MICAL2: variants seen among roughly 807,000 people sequenced by gnomAD.
The protein encoded by MICAL2 is [F-actin]-monooxygenase MICAL2.
MICAL2 carries 77 observed loss-of-function variants against 127.3 expected under a neutral mutation model. The observed-to-expected ratio is 0.60, with a 90% CI of 0.50 to 0.73. The LOEUF (loss-of-function observed/expected upper bound fraction) is 0.73. Among genes scored for constraint, MICAL2 ranks in the 30% least tolerant of loss-of-function variants. The pLI is 0.00. For missense variants in MICAL2, 1,351 were observed against 1,434.4 expected (o/e 0.94, Z 0.94); for synonymous variants, 570 against 551.1 (o/e 1.03, Z -0.48).
At chr11:12,314,707 C>T (rs984135824) in intron 29 of MICAL2, among the ~76,000 whole-genome samples, 6 of 145,794 alleles carry the variant, frequency 4.1e-5, no homozygotes, top group Non-Finnish European at 7.4e-5. Context: ...AGGATGGTCT[C>T]GATCTCCTGA....
chr11:12,327,690 C>T (rs1392605143), intron 32 of MICAL2, among the ~76,000 whole-genome samples: 2 of 149,948 alleles, frequency 1.3e-5, no homozygotes, highest in African/African-American at 2.5e-5. Context: ...ACTACCTGTA[C>T]GACCTTGGGC....
chr11:12,255,316 T>C, intron 22 of MICAL2: 1 of 303,676 alleles, frequency 3.3e-6, no homozygotes, highest in Non-Finnish European at 6.4e-6. Flanking sequence ...TTAGTTGTTG[T>C]AAAACTGGAA....
chr11:12,179,929 C>G (rs1857240065), intron 3 of MICAL2, among the ~76,000 whole-genome samples: 1 of 152,246 alleles, frequency 6.6e-6, no homozygotes, highest in Non-Finnish European at 1.5e-5. Flanking sequence ...AGCCCCTTCC[C>G]TTTAAGCAGC....
chr11:12,307,791 G>C (rs2134817146), intron 29 of MICAL2, among the ~76,000 whole-genome samples: 1 of 151,916 alleles, frequency 6.6e-6, no homozygotes, highest in East Asian at 1.9e-4. Context: ...GTCTATCTCT[G>C]TACTCTCTAA....
In MICAL2 at chr11:12,220,399, G is replaced by T. The variant is rs780883918; in HGVS notation, c.1147G>T (p.Val383Leu). 1.9e-6 allele frequency: 3 copies of T among 1,613,880 alleles called. No individual in the cohort carries two copies. Among genetic ancestry groups the T allele is most frequent in the Non-Finnish European group, 2.5e-6 (3 of 1,180,040 alleles). Residue 383 changes from valine to leucine, a missense_variant, in exon 9 of 28, where the codon GTG (valine) becomes TTG (leucine). By Grantham distance (32) the Val-to-Leu change is conservative. Around this residue, in one of 2 missense-constraint regions of MICAL2, gnomAD observed 599 missense variants for 714.9 expected, o/e 0.84. Coordinates refer to ENST00000683283, the MANE Select transcript of MICAL2 (RefSeq NM_001282663.2). ...CMYASENAAL[V>L]RERQAHQLLV... Reference sequence around the variant, plus strand: ...GTATGCCTCAGAGAACGCGGCCCTGGTGCGGGAGCGGCAGGCGCACCAGCT... The same window carrying T: ...GTATGCCTCAGAGAACGCGGCCCTGTTGCGGGAGCGGCAGGCGCACCAGCT...
chr11:12,353,233 G>T (rs926587285), intron 33 of MICAL2, among the ~76,000 whole-genome samples: 3 of 152,104 alleles, frequency 2.0e-5, no homozygotes, highest in African/African-American at 7.2e-5. Flanking sequence ...GGAAGAGGAG[G>T]CCCCACCAGG....
intron 2 of MICAL2, among the ~76,000 whole-genome samples, chr11:12,153,981 G>T (rs907115004): frequency 2.0e-5 from 3 of 152,198 alleles, no homozygotes; most frequent in Non-Finnish European, 4.4e-5. Context: ...CCTTCTTGGG[G>T]ACTTCACCAG....
chr11:12,303,143 C>T (rs1345255611), intron 29 of MICAL2, among the ~76,000 whole-genome samples: 1 of 152,292 alleles, frequency 6.6e-6, no homozygotes, highest in East Asian at 1.9e-4. Context: ...TTACCTCCAC[C>T]AGGTCCCACC....
rs1862868074 is a variant in MICAL2, at chr11:12,259,906, A to G, written c.3334+9A>G. ...GGAAGGCAGCCCCCCAGGTATCTCC[A>G]CCTCCTTCTTTAGGAAGGTGCTGGG... On this transcript the variant is annotated intron_variant, in intron 26 of 27. Coordinates refer to ENST00000683283, the MANE Select transcript of MICAL2 (RefSeq NM_001282663.2). 6.2e-7 allele frequency: 1 copy of G among 1,612,558 alleles called. No homozygotes were observed. Among genetic ancestry groups the G allele is most frequent in the Non-Finnish European group, 8.5e-7 (1 of 1,179,260 alleles).
rs56946936 is a variant in MICAL2, at chr11:12,180,921, C to CTTTTTT, written c.264+18521_264+18526dup. 8.1e-3 allele frequency among the ~76,000 whole-genome samples: 664 copies of CTTTTTT among 82,382 alleles called. 8 individuals are homozygous for CTTTTTT. Among genetic ancestry groups the CTTTTTT allele is most frequent in the Non-Finnish European group, 0.013 (522 of 40,394 alleles). 54.0% of individuals were successfully genotyped at this position (82,382 alleles called of 152,430 possible). A position where few individuals can be genotyped will look rare whatever the true frequency, so the allele number is the denominator to read the frequency against. ...AATTATTCTTGCCTTTATTTTCCTT[C>CTTTTTT]TTTTTTTTTTTTTTTTTTTTTTTTG... On this transcript the variant is annotated intron_variant, in intron 3 of 27. Coordinates refer to ENST00000683283, the MANE Select transcript of MICAL2 (RefSeq NM_001282663.2).
chr11:12,349,152 C>T (rs1328562957), intron 32 of MICAL2, among the ~76,000 whole-genome samples: 1 of 152,132 alleles, frequency 6.6e-6, no homozygotes, highest in East Asian at 1.9e-4. Context: ...CATTTTAGTA[C>T]CTAGATATTT....
chr11:12,233,286 A>G (rs1267808986), intron 15 of MICAL2, among the ~76,000 whole-genome samples: 2 of 152,242 alleles, frequency 1.3e-5, no homozygotes, highest in East Asian at 1.9e-4. Flanking sequence ...TCCTGAGATC[A>G]CACAGCTGGG....
At chr11:12,255,790 G>C (rs749249837) in intron 23 of MICAL2, 40 bp downstream of exon 23, 11 of 1,539,380 alleles carry the variant, frequency 7.1e-6, no homozygotes, top group Middle Eastern at 1.7e-4. Context: ...ACAGACACTG[G>C]CTCTGGCATC....
intron 6 of MICAL2, 84 bp from the exon 7 acceptor site, chr11:12,213,171 T>C: frequency 1.4e-6 from 2 of 1,467,412 alleles, no homozygotes; most frequent in Non-Finnish European, 1.8e-6. Context: ...GGGAGGCATC[T>C]GGGAACAGCT....
chr11:12,330,894 AGAGAGAGTGT>A (rs1402387540), intron 32 of MICAL2, among the ~76,000 whole-genome samples: 3 of 124,316 alleles, frequency 2.4e-5, no homozygotes, highest in African/African-American at 9.6e-5. Context: ...AGAGAGAGAG[AGAGAGAGTGT>A]GTGTGTGTGT....
At chr11:12,335,296 G>A (rs1230174964) in intron 32 of MICAL2, among the ~76,000 whole-genome samples, 1 of 150,638 alleles carries the variant, frequency 6.6e-6, no homozygotes, top group Non-Finnish European at 1.5e-5. Flanking sequence ...TTTTTGATGG[G>A]ATTGTTTGTT....
At chr11:12,297,044 G>A (rs56952157), downstream of MICAL2, among the ~76,000 whole-genome samples, 10,160 of 152,128 alleles carry the variant, frequency 0.067, 700 homozygotes, top group African/African-American at 0.18. Flanking sequence ...GCATGTGCGT[G>A]AATTTATCTT....
chr11:12,354,736 C>G (rs895704355), intron 33 of MICAL2: 2 of 1,542,118 alleles, frequency 1.3e-6, no homozygotes, highest in Non-Finnish European at 1.8e-6. Context: ...ATCAATGTTT[C>G]CTCACAAATC....
chr11:12,213,127 C>T, intron 6 of MICAL2, 128 bp from the exon 7 acceptor site: 1 of 1,094,316 alleles, frequency 9.1e-7, no homozygotes, highest in Non-Finnish European at 1.3e-6. Context: ...CGCTCCTGTC[C>T]ACTAGAGATC....
Sources: gnomAD v4.1 joint callset for allele counts (sites outside exome capture counted in the v4.1 genomes callset) on GRCh38, gnomAD v4.1.1 for gene constraint, gnomAD v4.1.1 regional missense constraint, MANE v1.5 for transcripts, NCBI Gene and HGNC (gene_info 2026-07-23, HGNC 2026-07-21) for gene names.